PRDM16: variants seen among roughly 807,000 people sequenced by gnomAD.
The protein encoded by PRDM16 is PR/SET domain 16, also known as histone-lysine N-methyltransferase PRDM16.
Under a neutral mutation model 110.6 loss-of-function variants are expected in PRDM16, and 23 were observed. The ratio of observed to expected loss-of-function variants is 0.21; its 90% CI spans 0.15 to 0.29. The LOEUF is 0.29. Among genes scored for constraint, PRDM16 ranks in the 10% least tolerant of loss-of-function variants. PRDM16 has a pLI of 1.00. For missense variants in PRDM16, 1,615 were observed against 1,794.3 expected (o/e 0.90, Z 1.81); for synonymous variants, 799 against 781.8 (o/e 1.02, Z -0.37).
chr1:3,071,285 G>C (rs991584167), intron 1 of PRDM16, among the ~76,000 whole-genome samples: 18 of 152,282 alleles, frequency 1.2e-4, no homozygotes, highest in African/African-American at 4.3e-4. Context: ...AGGTGGGGAA[G>C]GTGGCCCGGG....
intron 2 of PRDM16, among the ~76,000 whole-genome samples, chr1:3,195,032 C>T (rs957942315): frequency 2.0e-5 from 3 of 152,208 alleles, no homozygotes; most frequent in Admixed American, 1.3e-4. Context: ...AAACCGTGAG[C>T]GCACCGGCCA....
At chr1:3,355,645 G>A (rs1178967620) in intron 3 of PRDM16, among the ~76,000 whole-genome samples, 3 of 152,138 alleles carry the variant, frequency 2.0e-5, no homozygotes, top group Non-Finnish European at 2.9e-5. Flanking sequence ...CGCTATCCTG[G>A]CCACACACCT....
intron 1 of PRDM16, among the ~76,000 whole-genome samples, chr1:3,111,680 C>G (rs1020864968): frequency 6.6e-6 from 1 of 152,126 alleles, no homozygotes; most frequent in Admixed American, 6.5e-5. Context: ...GGCCGGCTTT[C>G]AGGTACCGGC....
chr1:3,151,120 C>T (rs1643768078), intron 1 of PRDM16, among the ~76,000 whole-genome samples: 1 of 152,212 alleles, frequency 6.6e-6, no homozygotes, highest in Admixed American at 6.5e-5. Flanking sequence ...TATCTCTGTG[C>T]CTCCTGCGTA....
chr1:3,299,227 C>T (rs930600745), intron 3 of PRDM16, among the ~76,000 whole-genome samples: 1,019 of 75,336 alleles, frequency 0.014, no homozygotes, highest in Middle Eastern at 0.022. Context: ...TTGAAGATGC[C>T]GTGCTGTGGC....
intron 3 of PRDM16, among the ~76,000 whole-genome samples, chr1:3,369,599 G>A (rs191925554): frequency 3.3e-5 from 5 of 152,208 alleles, no homozygotes; most frequent in East Asian, 3.9e-4. Context: ...ACAACCAGCC[G>A]GACTGTGGCT....
chr1:3,261,940 C>G (rs1035919832), intron 3 of PRDM16, among the ~76,000 whole-genome samples: 2 of 152,222 alleles, frequency 1.3e-5, no homozygotes, highest in African/African-American at 4.8e-5. Context: ...CATCCTACCC[C>G]CCACCCTGTC....
intron 2 of PRDM16, among the ~76,000 whole-genome samples, chr1:3,230,800 G>A (rs999587819): frequency 1.3e-5 from 2 of 152,220 alleles, no homozygotes; most frequent in Non-Finnish European, 2.9e-5. Flanking sequence ...CGGTGCGACC[G>A]CACTGCAGCC....
At chr1:3,119,187 A>AGAGCCTGGCC (rs1426904962) in intron 1 of PRDM16, among the ~76,000 whole-genome samples, 1 of 152,204 alleles carries the variant, frequency 6.6e-6, no homozygotes, top group Admixed American at 6.5e-5. Context: ...CCTGCCTGGC[A>AGAGCCTGGCC]GAGCCTGGCC....
At chr1:3,360,061 C>T (rs1415106052) in intron 3 of PRDM16, among the ~76,000 whole-genome samples, 2 of 142,162 alleles carry the variant, frequency 1.4e-5, no homozygotes, top group African/African-American at 6.3e-5. Context: ...CCAACTGTCA[C>T]ATCTCTGAAA....
chr1:3,234,323 T>C (rs1417338274), intron 2 of PRDM16, among the ~76,000 whole-genome samples: 1 of 151,994 alleles, frequency 6.6e-6, no homozygotes, highest in Non-Finnish European at 1.5e-5. Context: ...AGGTTGGTCC[T>C]CTTGTCCCCG....
intron 10 of PRDM16, among the ~76,000 whole-genome samples, chr1:3,416,114 C>T (rs1638249038): frequency 6.6e-6 from 1 of 152,220 alleles, no homozygotes; most frequent in South Asian, 2.1e-4. Context: ...AGGCCTTGGC[C>T]ACTGTGGACG....
chr1:3,384,416 G>A (rs1435883391), intron 3 of PRDM16, among the ~76,000 whole-genome samples: 2 of 152,202 alleles, frequency 1.3e-5, no homozygotes, highest in African/African-American at 4.8e-5. Context: ...TGTTTGAGGG[G>A]ACACCGTCTC....
In PRDM16 at chr1:3,425,494, C is replaced by T. The variant is rs554882858; in HGVS notation, c.2940-87C>T. On this transcript the variant is annotated intron_variant, in intron 12 of 16. Coordinates refer to ENST00000270722, the MANE Select transcript of PRDM16 (RefSeq NM_022114.4). The surrounding 1 kb of genome is among the most constrained non-coding windows in gnomAD (Gnocchi z 6.9). ...CTGTGCACGGGGCACGGGGCAGGGG[C>T]GCGGGCTCCCTTCCCCCCACCCTCT... The T allele has an allele frequency of 1.5e-5, 21 of 1,406,160 alleles. No individual in the cohort carries two copies. The highest frequency in any genetic ancestry group is 2.6e-5 in the South Asian group (2 of 77,154). The allele number at this position is 1,406,160 out of a possible 1,614,324, so 87.1% of individuals were successfully genotyped here.
At chr1:3,361,764 G>A (rs1281563368) in intron 3 of PRDM16, among the ~76,000 whole-genome samples, 12 of 150,034 alleles carry the variant, frequency 8.0e-5, no homozygotes, top group Non-Finnish European at 1.8e-4. Flanking sequence ...GAGAAGTGAC[G>A]CGGTCTGGGA....
rs1403023527 is a variant in PRDM16 at position 3,437,948 on chromosome 1, G to A, written c.*4137G>A. The A allele has an allele frequency of 2.1e-4, 46 of 219,844 alleles. No homozygotes were observed. The highest frequency in any genetic ancestry group is 1.1e-4 in the African/African-American group (5 of 44,670). The allele number at this position is 219,844 out of a possible 1,614,324, so 13.6% of individuals were successfully genotyped here. A position where few individuals can be genotyped will look rare whatever the true frequency, so the allele number is the denominator to read the frequency against. Reference sequence around the variant, plus strand: ...TATATGGACTTTGTCCCTTAAGGTCGATATAAAGAATCCTCGCAGAATCAC... The same window carrying A: ...TATATGGACTTTGTCCCTTAAGGTCAATATAAAGAATCCTCGCAGAATCAC... On this transcript the variant is annotated 3_prime_UTR_variant, in exon 17 of 17. Transcript: ENST00000270722.
At chr1:3,164,122 C>T (rs1263456491) in intron 1 of PRDM16, among the ~76,000 whole-genome samples, 2 of 152,264 alleles carry the variant, frequency 1.3e-5, no homozygotes, top group Non-Finnish European at 2.9e-5. Flanking sequence ...CATCAACTTC[C>T]AGAGGCCGCC....
chr1:3,340,452 G>A lies in PRDM16; in HGVS notation c.439-44700G>A, dbSNP rs1244111762. Reference sequence around the variant, plus strand: ...CCAAACACCCGCTCCCGGAGAGCCAGCGCCATGGATCAGTGCATCTGGGGA... The same window carrying A: ...CCAAACACCCGCTCCCGGAGAGCCAACGCCATGGATCAGTGCATCTGGGGA... On this transcript the variant is annotated intron_variant, in intron 3 of 16. Coordinates refer to ENST00000270722, the MANE Select transcript of PRDM16 (RefSeq NM_022114.4). 2.0e-5 allele frequency among the ~76,000 whole-genome samples: 3 copies of A among 152,218 alleles called. No individual in the cohort carries two copies. The East Asian group carries it at 5.8e-4, about 29-fold the overall frequency.
At chr1:3,197,186 T>C (rs985837719) in intron 2 of PRDM16, among the ~76,000 whole-genome samples, 1 of 152,152 alleles carries the variant, frequency 6.6e-6, no homozygotes, top group African/African-American at 2.4e-5. Flanking sequence ...CCAGTGCAGT[T>C]ATGAACTGGG....
Sources: allele counts gnomAD v4.1 joint callset (sites outside exome capture counted in the v4.1 genomes callset), GRCh38; gene constraint gnomAD v4.1.1; non-coding constraint Gnocchi (gnomAD v3.1); transcripts MANE v1.5; gene names NCBI Gene and HGNC (gene_info 2026-07-23, HGNC 2026-07-21).